The following CACNA1D variants were observed in gnomAD, a reference collection of about 807,000 sequenced individuals.
CACNA1D encodes the protein calcium voltage-gated channel subunit alpha1 D, also known as voltage-dependent L-type calcium channel subunit alpha-1D.
CACNA1D carries 55 observed loss-of-function variants against 257.1 expected under a neutral mutation model. That is an observed-to-expected ratio of 0.21 (90% confidence interval 0.17 to 0.27). The LOEUF is 0.27. CACNA1D is among the 10% of genes least tolerant of loss of function. The probability of loss-of-function intolerance (pLI) is 1.00; values close to 1 mark genes in which losing one functional copy is unlikely to be tolerated. For missense variants in CACNA1D, 1,876 were observed against 2,784.0 expected (o/e 0.67, Z 7.34); for synonymous variants, 980 against 1,014.9 (o/e 0.97, Z 0.65).
At chr3:53,725,958 C>T (rs2094930652) in intron 14 of CACNA1D, among the ~76,000 whole-genome samples, 1 of 152,120 alleles carries the variant, frequency 6.6e-6, no homozygotes. Flanking sequence ...AATTTCAGGT[C>T]ATTGGTGATA....
intron 3 of CACNA1D, among the ~76,000 whole-genome samples, chr3:53,507,993 A>T (rs771696564): frequency 6.6e-6 from 1 of 152,056 alleles, no homozygotes; most frequent in Non-Finnish European, 1.5e-5. Flanking sequence ...GGCTGAAAAG[A>T]TGTCACCAGC....
intron 29 of CACNA1D, among the ~76,000 whole-genome samples, chr3:53,756,849 C>T (rs928210569): frequency 1.1e-4 from 17 of 152,170 alleles, no homozygotes; most frequent in Non-Finnish European, 7.3e-5. Flanking sequence ...ACCCATCTGG[C>T]GTTTTGTCCA....
intron 25 of CACNA1D, among the ~76,000 whole-genome samples, chr3:53,746,288 C>T (rs182597427): frequency 1.3e-5 from 2 of 152,280 alleles, no homozygotes; most frequent in Admixed American, 1.3e-4. Flanking sequence ...ATTTGGAACT[C>T]AACTCCCTGG....
chr3:53,504,370 T>C (rs1156339444), intron 3 of CACNA1D, among the ~76,000 whole-genome samples: 4 of 152,184 alleles, frequency 2.6e-5, no homozygotes, highest in Non-Finnish European at 4.4e-5. Context: ...ATGACTTTTT[T>C]TGGGGAAGAA....
intron 8 of CACNA1D, among the ~76,000 whole-genome samples, chr3:53,676,346 T>C (rs190797632): frequency 0.013 from 1,925 of 152,312 alleles, 24 homozygotes; most frequent in Middle Eastern, 0.02. Flanking sequence ...ATATTTTTGT[T>C]GTTGTTTAAG....
intron 4 of CACNA1D, 186 bp downstream of exon 4, chr3:53,651,104 T>G: frequency 3.3e-6 from 2 of 600,266 alleles, no homozygotes; most frequent in South Asian, 3.9e-5. Context: ...GGGCAGATAC[T>G]AGTTTGAAAT....
intron 3 of CACNA1D, among the ~76,000 whole-genome samples, chr3:53,606,416 T>C (rs974562344): frequency 1.3e-5 from 2 of 152,234 alleles, no homozygotes; most frequent in Non-Finnish European, 2.9e-5. Context: ...ATGAATTACC[T>C]TCAATTATGG....
chr3:53,679,899 G>C (rs568126001), intron 8 of CACNA1D: 1 of 152,292 alleles, frequency 6.6e-6, no homozygotes, highest in Admixed American at 6.5e-5. Flanking sequence ...GCTTGGCTTT[G>C]GTAGAACAAG....
intron 2 of CACNA1D, among the ~76,000 whole-genome samples, chr3:53,500,534 A>G (rs1029239473): frequency 9.2e-5 from 14 of 152,180 alleles, no homozygotes; most frequent in Admixed American, 5.2e-4. Flanking sequence ...AATGGAGAAT[A>G]GTCTGTTCGT....
intron 9 of CACNA1D, among the ~76,000 whole-genome samples, chr3:53,715,277 T>C (rs1369360932): frequency 2.6e-5 from 4 of 152,168 alleles, no homozygotes. Flanking sequence ...AACATCTTTT[T>C]GGGATATATT....
At chr3:53,735,972 A>G (rs2095053475) in intron 20 of CACNA1D, among the ~76,000 whole-genome samples, 1 of 152,094 alleles carries the variant, frequency 6.6e-6, no homozygotes, top group African/African-American at 2.4e-5. Flanking sequence ...AAATACACCA[A>G]GCTGCTAGGC....
intron 3 of CACNA1D, among the ~76,000 whole-genome samples, chr3:53,524,444 T>C (rs1451894401): frequency 6.6e-6 from 1 of 152,246 alleles, no homozygotes; most frequent in African/African-American, 2.4e-5. Context: ...AACTACAAGA[T>C]ACATTTAAGC....
intron 10 of CACNA1D, 131 bp downstream of exon 10, chr3:53,718,519 G>C (rs928269910): frequency 9.6e-7 from 1 of 1,046,536 alleles, no homozygotes; most frequent in Non-Finnish European, 1.4e-6. Flanking sequence ...AAGGCTCCTC[G>C]TACCCCACGC....
At chr3:53,688,036 G>A (rs1172656167) in intron 8 of CACNA1D, among the ~76,000 whole-genome samples, 1 of 152,216 alleles carries the variant, frequency 6.6e-6, no homozygotes, top group Admixed American at 6.5e-5. Flanking sequence ...ATCTCATAAA[G>A]TTAAACATAT....
intron 3 of CACNA1D, among the ~76,000 whole-genome samples, chr3:53,549,818 AT>A: frequency 6.6e-6 from 1 of 152,314 alleles, no homozygotes; most frequent in South Asian, 2.1e-4. Flanking sequence ...TTATCATAAA[AT>A]CTAAGTTGAT....
intron 3 of CACNA1D, among the ~76,000 whole-genome samples, chr3:53,514,542 A>G (rs2091259488): frequency 6.6e-6 from 1 of 152,032 alleles, no homozygotes; most frequent in South Asian, 2.1e-4. Flanking sequence ...CCCTTTCTGC[A>G]TCTGCTCTTT....
chr3:53,644,937 A>G (rs901973904), intron 3 of CACNA1D, among the ~76,000 whole-genome samples: 6 of 152,196 alleles, frequency 3.9e-5, no homozygotes, highest in Admixed American at 3.9e-4. Context: ...TTACACTCCT[A>G]TCAACAGTGT....
At chr3:53,555,456 G>GTTT (rs1334737354) in intron 3 of CACNA1D, among the ~76,000 whole-genome samples, 4 of 117,042 alleles carry the variant, frequency 3.4e-5, no homozygotes, top group African/African-American at 1.4e-4. Flanking sequence ...GTGTGTGTGT[G>GTTT]TGTGTTTTTT....
rs2095535104 is a variant in CACNA1D, at chr3:53,801,415, A to G, written c.5398A>G (p.Ser1800Gly). ...TGACCGGGAGCCTCAGAGAAGGTCC[A>G]GTGTGAAAAGGTAACCTTGACAATG... ...KHDREPQRRSSVKRTRYYETY... is the reference protein window; with the variant it reads ...KHDREPQRRSGVKRTRYYETY... Residue 1800 changes from serine (S) to glycine (G), a missense_variant, in exon 42 of 48, where the codon AGT (serine) becomes GGT (glycine). Transcript: ENST00000350061. 2 of 1,614,080 alleles carry G rather than the reference A, an allele frequency of 1.2e-6. No homozygotes were observed. The highest frequency in any genetic ancestry group is 1.1e-5 in the South Asian group (1 of 91,078).
Sources: allele counts gnomAD v4.1 joint callset (sites outside exome capture counted in the v4.1 genomes callset), GRCh38; gene constraint gnomAD v4.1.1; transcripts MANE v1.5; gene names NCBI Gene and HGNC (gene_info 2026-07-23, HGNC 2026-07-21).